Variants in RECQL5 observed in about 807,000 individuals in gnomAD.
RECQL5 encodes ATP-dependent DNA helicase Q5.
In RECQL5, 88 loss-of-function variants were observed where a neutral mutation model predicts 103.4. The observed-to-expected ratio is 0.85, with a 90% confidence interval of 0.72 to 1.02. The LOEUF (loss-of-function observed/expected upper bound fraction) is 1.02, where lower values mean the gene tolerates loss of function less well. Ranked by LOEUF, RECQL5 falls within the 50% of genes least tolerant of loss-of-function variation. The pLI, the probability that RECQL5 is intolerant of heterozygous loss-of-function variation, is 0.00. For missense variants in RECQL5, 1,232 were observed against 1,284.3 expected, an observed-to-expected ratio of 0.96 and a Z score of 0.62; for synonymous variants, 552 against 507.9, an observed-to-expected ratio of 1.09 and a Z score of -1.17.
rs549355707 is a variant in RECQL5 at position 75,628,360 on chromosome 17, G to A, written c.2663C>T (p.Ser888Leu). 445 of 1,614,088 alleles carry A rather than the reference G, an allele frequency of 2.8e-4. No individual in the cohort carries two copies. The highest frequency in any genetic ancestry group is 3.5e-4 in the Non-Finnish European group (418 of 1,180,036). Residue 888 changes from serine to leucine, a missense_variant, in exon 18 of 20, where the codon TCG becomes TTG. By Grantham distance (145) the Ser-to-Leu change is moderately radical. Coordinates refer to ENST00000317905, the MANE Select transcript of RECQL5 (RefSeq NM_004259.7). ...SVVAEVKGSV[S>L]ASEQGTLNPT... ...ATTCAAGGTGCCCTGTTCGCTGGCCGAGACGCTGCCCTTGACCTCAGCTAC... is the reference window on the plus strand; with the variant it reads ...ATTCAAGGTGCCCTGTTCGCTGGCCAAGACGCTGCCCTTGACCTCAGCTAC...
In RECQL5 at chr17:75,662,729, A is replaced by C. The variant is rs200668259; in HGVS notation, c.521T>G (p.Leu174Trp). ...QWGHDFRPDYLRLGALRSRLG... is the reference protein window; with the variant it reads ...QWGHDFRPDYWRLGALRSRLG... ...GCGGGAGCGCAGGGCACCCAGACGC[A>C]AGTAGTCAGGACGAAAGTCATGCCC... is the stretch of plus-strand genomic sequence containing the variant. The change falls in exon 4 of 20, where the codon TTG becomes TGG. Residue 174 changes from leucine (L) to tryptophan (W), a missense_variant. Physicochemically the swap from Leu to Trp is moderately conservative, Grantham distance 61. Transcript: ENST00000317905. The C allele has an allele frequency of 6.2e-7, 1 of 1,613,958 alleles. No individual in the cohort carries two copies. The highest frequency in any genetic ancestry group is 2.2e-5 in the East Asian group (1 of 44,904).
At position 75,640,191 on chromosome 17, in the gene RECQL5, G is replaced by GT; in HGVS notation, c.1230-8524_1230-8523insA. 1 of 1,542,458 alleles carries GT rather than the reference G, an allele frequency of 6.5e-7. No individual in the cohort carries two copies. Among genetic ancestry groups the GT allele is most frequent in the Non-Finnish European group, 8.7e-7 (1 of 1,143,656 alleles). The stretch of plus-strand genomic sequence containing the variant: ...AGCCCGGCAGGAGCCCCAACAGGAA[G>GT]CCAGCGCGGCATGGCTGCCACCGAC... On this transcript the variant is annotated intron_variant, in intron 8 of 19. Transcript: ENST00000317905. The surrounding 1 kb of genome is among the most constrained non-coding windows in gnomAD (Gnocchi z 4.6).
At chr17:75,652,033 C>A (rs1238471722) in intron 7 of RECQL5, among the ~76,000 whole-genome samples, 1 of 152,036 alleles carries the variant, frequency 6.6e-6, no homozygotes, top group Non-Finnish European at 1.5e-5. Context: ...TCGAGACCGG[C>A]CTTGCCAACA....
intron 8 of RECQL5, among the ~76,000 whole-genome samples, chr17:75,645,132 TAAAGTC>T (rs1400930824): frequency 1.3e-5 from 2 of 152,194 alleles, no homozygotes; most frequent in African/African-American, 4.8e-5. Flanking sequence ...AACAAAAACT[TAAAGTC>T]ATTGGAACTT....
At chr17:75,645,637 C>G (rs1244990861) in intron 8 of RECQL5, among the ~76,000 whole-genome samples, 1 of 152,208 alleles carries the variant, frequency 6.6e-6, no homozygotes, top group Non-Finnish European at 1.5e-5. Flanking sequence ...TGTGAGCGTT[C>G]AGCATGCCAA....
rs1323932278 is a variant in RECQL5, at chr17:75,640,828, C to T, written c.1230-9160G>A. The T allele has an allele frequency of 3.2e-6, 5 of 1,549,928 alleles. No individual in the cohort carries two copies. The Admixed American group carries it at 9.8e-5, about 30-fold the overall frequency. ...TGTTGCTGCTGATAGCCTGCAGCTGCTGCTGCACTCACTGCTGCTGCCCTG... is the reference window on the plus strand; with the variant it reads ...TGTTGCTGCTGATAGCCTGCAGCTGTTGCTGCACTCACTGCTGCTGCCCTG... On this transcript the variant is annotated intron_variant, in intron 8 of 19. Transcript: ENST00000317905. The surrounding 1 kb of genome is among the most constrained non-coding windows in gnomAD (Gnocchi z 4.6).
At chr17:75,647,699 G>A in intron 8 of RECQL5, 1 of 847,776 alleles carries the variant, frequency 1.2e-6, no homozygotes, top group African/African-American at 1.7e-5. Flanking sequence ...TCAGGAAAAA[G>A]TCTAGTAAAA....
At position 75,656,792 on chromosome 17, in the gene RECQL5, T is replaced by TGGA. The variant is rs529458258; in HGVS notation, c.1149+1503_1149+1505dup. ...CAGAGTCTCACTCTGTCCCCCAGGC[T>TGGA]GGAGTGCAGAGGCGTGATCTCGGCT... On this transcript the variant is annotated intron_variant, in intron 7 of 19. Transcript: ENST00000317905. 6.3e-3 allele frequency among the ~76,000 whole-genome samples: 929 copies of TGGA among 148,618 alleles called. 6 individuals are homozygous for TGGA. The highest frequency in any genetic ancestry group is 0.011 in the Non-Finnish European group (730 of 67,406).
chr17:75,659,908 G>A (rs1269549153), intron 6 of RECQL5, among the ~76,000 whole-genome samples: 1 of 152,196 alleles, frequency 6.6e-6, no homozygotes, highest in Non-Finnish European at 1.5e-5. Context: ...TGTGGGGCTA[G>A]GAGGCTGGGA....
intron 3 of RECQL5, among the ~76,000 whole-genome samples, chr17:75,664,054 C>A (rs1480658061): frequency 9.2e-4 from 97 of 105,658 alleles, no homozygotes; most frequent in South Asian, 1.8e-3. Flanking sequence ...AACTCCATCT[C>A]AAAAAAAAAA....
chr17:75,654,512 G>A (rs956089509), intron 7 of RECQL5, among the ~76,000 whole-genome samples: 1 of 152,160 alleles, frequency 6.6e-6, no homozygotes, highest in Admixed American at 6.5e-5. Context: ...TCCTTTAATA[G>A]CTTCTGAGAC....
Position 75,628,721 on chromosome 17 carries a change from G to A in RECQL5, c.2531C>T (p.Pro844Leu), listed in dbSNP as rs1402883629. Residue 844 changes from proline to leucine, a missense_variant, in exon 17 of 20, where the codon CCC becomes CTC. By Grantham distance (98) the Pro-to-Leu change is moderately conservative. Transcript: ENST00000317905. The stretch of plus-strand genomic sequence containing the variant: ...CTTCCATGTGTCCTTTGCAGGGGTG[G>A]GCTGGACTTCAGGGGTGCCCTGGTC... ...PRDQGTPEVQPTPAKDTWKGK... is the reference protein window; with the variant it reads ...PRDQGTPEVQLTPAKDTWKGK... The A allele has an allele frequency of 3.8e-6, 6 of 1,590,914 alleles. No individual in the cohort carries two copies. In the South Asian group the frequency reaches 6.9e-5, roughly 18 times the overall value.
At chr17:75,662,046 A>G (rs2059706586) in intron 4 of RECQL5, among the ~76,000 whole-genome samples, 1 of 152,194 alleles carries the variant, frequency 6.6e-6, no homozygotes, top group South Asian at 2.1e-4. Context: ...CTGTAATCCC[A>G]GCTACTTGGG....
At chr17:75,661,462 G>T in intron 5 of RECQL5, 144 bp downstream of exon 5, 1 of 645,538 alleles carries the variant, frequency 1.5e-6, no homozygotes, top group Non-Finnish European at 2.8e-6. Flanking sequence ...TCCTTTTAGG[G>T]GATTTAAGTG....
At chr17:75,630,938 G>A (rs1179038174) in intron 11 of RECQL5, 36 bp downstream of exon 11, 2 of 1,610,794 alleles carry the variant, frequency 1.2e-6, no homozygotes, top group African/African-American at 2.7e-5. Context: ...GCCCCGGGAA[G>A]AGCCCACAAG....
chr17:75,631,765 G>A (rs1318243137), intron 8 of RECQL5, 97 bp from the exon 9 acceptor site: 37 of 1,284,380 alleles, frequency 2.9e-5, no homozygotes, highest in Middle Eastern at 2.6e-4. Flanking sequence ...GAGCACTGCC[G>A]CGTCCGGCAC....
rs995723457 is a variant in RECQL5, at chr17:75,666,305, G to T, written c.130+123C>A. The T allele has an allele frequency of 2.6e-6, 3 of 1,165,604 alleles. 1 individual carries two copies. The highest frequency in any genetic ancestry group is 3.6e-6 in the Non-Finnish European group (3 of 822,496). 72.2% of individuals were successfully genotyped at this position (1,165,604 alleles called of 1,614,324 possible). A position where few individuals can be genotyped will look rare whatever the true frequency, so the allele number is the denominator to read the frequency against. ...AACTACAAGCTTTGACAACTCTAAAGATTTCCAAATCCAGTTATGGACCAA... is the reference window on the plus strand; with the variant it reads ...AACTACAAGCTTTGACAACTCTAAATATTTCCAAATCCAGTTATGGACCAA... On this transcript the variant is annotated intron_variant, in intron 2 of 19. Coordinates refer to ENST00000317905, the MANE Select transcript of RECQL5 (RefSeq NM_004259.7).
Position 75,630,767 on chromosome 17 carries a change from C to T in RECQL5, c.1644+12G>A, listed in dbSNP as rs370668505. Reference sequence around the variant, plus strand: ...GCCCCGGCGGGTGGCTGAGGAGCTGCCCGTCTCTTACCTTCACAGTCAGCC... The same window carrying T: ...GCCCCGGCGGGTGGCTGAGGAGCTGTCCGTCTCTTACCTTCACAGTCAGCC... On this transcript the variant is annotated intron_variant, in intron 12 of 19. Transcript: ENST00000317905. 1,711 of 1,576,694 alleles carry T rather than the reference C, an allele frequency of 1.1e-3. 24 individuals are homozygous for T. In the South Asian group the frequency reaches 0.014, roughly 13 times the overall value.
intron 7 of RECQL5, among the ~76,000 whole-genome samples, chr17:75,657,934 G>A (rs1344182596): frequency 1.3e-5 from 2 of 152,026 alleles, no homozygotes; most frequent in Non-Finnish European, 2.9e-5. Flanking sequence ...TGTAATCCCA[G>A]TTACTCAGGA....
Sources: gnomAD v4.1 joint callset for allele counts (sites outside exome capture counted in the v4.1 genomes callset) on GRCh38, gnomAD v4.1.1 for gene constraint, Gnocchi (gnomAD v3.1) non-coding constraint, MANE v1.5 for transcripts, NCBI Gene and HGNC (gene_info 2026-07-23, HGNC 2026-07-21) for gene names.